KCNH8: variants seen among roughly 807,000 people sequenced by gnomAD.
The protein encoded by KCNH8 is potassium voltage-gated channel subfamily H member 8.
A neutral mutation model predicts 103.6 loss-of-function variants in KCNH8; 70 were observed. That is an observed-to-expected ratio of 0.68 (90% confidence interval 0.56 to 0.82). The LOEUF (loss-of-function observed/expected upper bound fraction) is 0.82. Among genes scored for constraint, KCNH8 ranks in the 40% least tolerant of loss-of-function variants. The pLI, the probability that KCNH8 is intolerant of heterozygous loss-of-function variation, is 0.00. For missense variants in KCNH8, 1,217 were observed against 1,329.9 expected (o/e 0.92, Z 1.32); for synonymous variants, 498 against 489.4 (o/e 1.02, Z -0.23).
chr3:19,246,680 G>T (rs995774303), intron 1 of KCNH8, among the ~76,000 whole-genome samples: 1 of 151,978 alleles, frequency 6.6e-6, no homozygotes, highest in Non-Finnish European at 1.5e-5. Context: ...ATCCTCAGCC[G>T]CATACTCCTT....
chr3:19,220,913 T>C (rs2063867220), intron 1 of KCNH8, among the ~76,000 whole-genome samples: 1 of 152,176 alleles, frequency 6.6e-6, no homozygotes, highest in Admixed American at 6.5e-5. Context: ...AAGAACCTAA[T>C]GAAGCCTAAG....
chr3:19,470,716 T>C (rs1271936109), intron 11 of KCNH8, among the ~76,000 whole-genome samples: 1 of 152,112 alleles, frequency 6.6e-6, no homozygotes, highest in Non-Finnish European at 1.5e-5. Context: ...TAGGCAGAGG[T>C]AGCTGCTGGA....
intron 5 of KCNH8, among the ~76,000 whole-genome samples, chr3:19,376,020 T>C (rs1030548475): frequency 3.9e-5 from 6 of 152,136 alleles, no homozygotes; most frequent in Admixed American, 6.5e-5. Context: ...GACAGGGACA[T>C]TTAAGTCTGC....
intron 11 of KCNH8, among the ~76,000 whole-genome samples, chr3:19,465,946 A>T (rs1465452385): frequency 6.6e-6 from 1 of 151,980 alleles, no homozygotes; most frequent in Non-Finnish European, 1.5e-5. Flanking sequence ...TTATTTATTT[A>T]TTTATTGAGA....
intron 3 of KCNH8, among the ~76,000 whole-genome samples, chr3:19,338,101 C>G (rs2065609875): frequency 6.6e-6 from 1 of 151,844 alleles, no homozygotes; most frequent in Non-Finnish European, 1.5e-5. Context: ...TGTTTGTTTC[C>G]TAATACTTTT....
intron 5 of KCNH8, among the ~76,000 whole-genome samples, chr3:19,386,178 A>G (rs2066353805): frequency 6.6e-6 from 1 of 152,154 alleles, no homozygotes; most frequent in African/African-American, 2.4e-5. Context: ...GTGGGAGATA[A>G]GTGAAATACT....
intron 5 of KCNH8, among the ~76,000 whole-genome samples, chr3:19,350,262 G>A (rs2065782042): frequency 6.6e-6 from 1 of 152,108 alleles, no homozygotes. Flanking sequence ...ATAGTTGCCT[G>A]TAATATTGCC....
chr3:19,245,294 T>C (rs2064190191), intron 1 of KCNH8, among the ~76,000 whole-genome samples: 1 of 152,214 alleles, frequency 6.6e-6, no homozygotes, highest in African/African-American at 2.4e-5. Flanking sequence ...TTCTGAGTTT[T>C]CTATTCTGTT....
chr3:19,253,896 G>T lies in KCNH8; in HGVS notation c.310+9G>T, dbSNP rs1001325367. 6.3e-7 allele frequency: 1 copy of T among 1,591,694 alleles called. No homozygotes were observed. Among genetic ancestry groups the T allele is most frequent in the African/African-American group, 1.3e-5 (1 of 74,374 alleles). ...GTTCTACAAGAAAAACGGTGAGTTGGCTTTCTTTCGTGCTCACTGGAGAGT... is the reference window on the plus strand; with the variant it reads ...GTTCTACAAGAAAAACGGTGAGTTGTCTTTCTTTCGTGCTCACTGGAGAGT... On this transcript the variant is annotated intron_variant, in intron 2 of 15. Coordinates refer to ENST00000328405, the MANE Select transcript of KCNH8 (RefSeq NM_144633.3).
intron 3 of KCNH8, among the ~76,000 whole-genome samples, chr3:19,323,430 CAG>C (rs1459421886): frequency 1.3e-5 from 2 of 151,938 alleles, no homozygotes; most frequent in African/African-American, 4.8e-5. Context: ...GCCTGGGTGA[CAG>C]AGCAAGACTG....
intron 5 of KCNH8, among the ~76,000 whole-genome samples, chr3:19,353,688 C>G (rs1188627198): frequency 1.3e-5 from 2 of 152,036 alleles, no homozygotes; most frequent in African/African-American, 4.8e-5. Context: ...CAGCAGCCCT[C>G]CATGCTAACA....
chr3:19,239,320 C>G (rs140302619), intron 1 of KCNH8, among the ~76,000 whole-genome samples: 1 of 152,246 alleles, frequency 6.6e-6, no homozygotes, highest in East Asian at 1.9e-4. Context: ...CTGGACACCA[C>G]AATCACATTA....
At chr3:19,206,203 G>C (rs1419402022) in intron 1 of KCNH8, among the ~76,000 whole-genome samples, 1 of 125,608 alleles carries the variant, frequency 8.0e-6, no homozygotes, top group Non-Finnish European at 1.5e-5. Context: ...ATATATATAT[G>C]TATATATACA....
chr3:19,414,035 C>T (rs1248031946), intron 7 of KCNH8, among the ~76,000 whole-genome samples: 1 of 151,982 alleles, frequency 6.6e-6, no homozygotes, highest in African/African-American at 2.4e-5. Context: ...TTTTAAGATA[C>T]TTATTCTAAT....
intron 3 of KCNH8, among the ~76,000 whole-genome samples, chr3:19,296,124 C>T (rs1325014588): frequency 1.3e-5 from 2 of 152,126 alleles, no homozygotes; most frequent in Non-Finnish European, 2.9e-5. Context: ...AACAATTTAA[C>T]TCATGGACAA....
chr3:19,251,369 G>GT (rs1166901900), intron 1 of KCNH8, among the ~76,000 whole-genome samples: 1 of 152,130 alleles, frequency 6.6e-6, no homozygotes, highest in Admixed American at 6.5e-5. Context: ...GTTTCTCGGT[G>GT]TGTGTCTCTA....
rs761445247 is a variant in KCNH8 at position 19,513,077 on chromosome 3, C to G, written c.2187C>G (p.Pro729=). The change falls in exon 13 of 16, where the codon CCC becomes CCG. Residue 729 remains proline (P), a synonymous_variant. Transcript: ENST00000328405. ...GEEEEAVSLS[P]ICTRGSSSRN... ...AAGAGGAGGCAGTCTCCCTCTCTCC[C>G]ATCTGCACAAGGGGATCTTCTTCGC... 42 of 1,613,622 alleles carry G rather than the reference C, an allele frequency of 2.6e-5. No individual in the cohort carries two copies. The highest frequency in any genetic ancestry group is 3.3e-5 in the Non-Finnish European group (39 of 1,179,886).
At chr3:19,248,507 TC>T (rs1436737348) in intron 1 of KCNH8, among the ~76,000 whole-genome samples, 1 of 152,196 alleles carries the variant, frequency 6.6e-6, no homozygotes, top group Non-Finnish European at 1.5e-5. Context: ...AAAATCCATG[TC>T]TTTGGGTTTT....
At chr3:19,342,337 C>G (rs966044888) in intron 3 of KCNH8, among the ~76,000 whole-genome samples, 1 of 151,988 alleles carries the variant, frequency 6.6e-6, no homozygotes, top group Non-Finnish European at 1.5e-5. Context: ...ATTTCCTGAA[C>G]TATTTTAAAG....
Sources: allele counts gnomAD v4.1 joint callset (sites outside exome capture counted in the v4.1 genomes callset), GRCh38; gene constraint gnomAD v4.1.1; transcripts MANE v1.5; gene names NCBI Gene and HGNC (gene_info 2026-07-23, HGNC 2026-07-21).